The following VAV3 variants were observed in gnomAD, a reference collection of about 807,000 sequenced individuals.
The protein encoded by VAV3 is guanine nucleotide exchange factor VAV3.
VAV3 carries 94 observed loss-of-function variants against 131.2 expected under a neutral mutation model. The observed-to-expected ratio is 0.72, with a 90% CI of 0.61 to 0.85. VAV3 has a LOEUF of 0.85. Among genes scored for constraint, VAV3 ranks in the 40% least tolerant of loss-of-function variants. The pLI, the probability that VAV3 is intolerant of heterozygous loss-of-function variation, is 0.00. For synonymous variants in VAV3, 349 were observed against 342.0 expected (o/e 1.02, Z -0.22); for missense variants, 939 against 1,002.7 (o/e 0.94, Z 0.86).
rs566925774 is a variant in VAV3, at chr1:107,594,608, C to A, written c.2350+1604G>T. 3.3e-5 allele frequency among the ~76,000 whole-genome samples: 5 copies of A among 152,084 alleles called. No homozygotes were observed. In the South Asian group the frequency reaches 1.0e-3, roughly 32 times the overall value. On this transcript the variant is annotated intron_variant, in intron 25 of 26. Coordinates refer to ENST00000370056, the MANE Select transcript of VAV3 (RefSeq NM_006113.5). ...CTATGCTTTTTTTTAAGAAAAAGTCCTGTAATTCCCTTCTTAGTTGTCAAA... is the reference window on the plus strand; with the variant it reads ...CTATGCTTTTTTTTAAGAAAAAGTCATGTAATTCCCTTCTTAGTTGTCAAA...
intron 1 of VAV3, among the ~76,000 whole-genome samples, chr1:107,951,944 A>G (rs1674556362): frequency 6.6e-6 from 1 of 152,170 alleles, no homozygotes; most frequent in Admixed American, 6.5e-5. Flanking sequence ...CAGAAATACC[A>G]TTTGACCCAG....
chr1:107,628,738 T>C (rs1654225866), intron 20 of VAV3, among the ~76,000 whole-genome samples: 1 of 152,194 alleles, frequency 6.6e-6, no homozygotes, highest in Admixed American at 6.5e-5. Context: ...AATGGTCTAA[T>C]ATATAGAACT....
At chr1:107,627,774 T>C (rs1273222279) in intron 20 of VAV3, among the ~76,000 whole-genome samples, 1 of 152,144 alleles carries the variant, frequency 6.6e-6, no homozygotes, top group Non-Finnish European at 1.5e-5. Flanking sequence ...CATTTAAATC[T>C]GACAGATGAA....
At chr1:107,869,170 G>GATATATATATATATAT (rs1235542425) in intron 2 of VAV3, among the ~76,000 whole-genome samples, 1 of 152,116 alleles carries the variant, frequency 6.6e-6, no homozygotes, top group East Asian at 1.9e-4. Flanking sequence ...AAAGGCATGG[G>GATATATATATATATAT]ATATAATTGA....
chr1:107,594,324 T>G (rs533775922), intron 25 of VAV3, among the ~76,000 whole-genome samples: 74 of 152,208 alleles, frequency 4.9e-4, no homozygotes, highest in African/African-American at 1.8e-3. Flanking sequence ...GAACAGTGCC[T>G]TGTATGTGTT....
At position 107,658,287 on chromosome 1, in the gene VAV3, C is replaced by G. The variant is rs143296443; in HGVS notation, c.1778-15532G>C. On this transcript the variant is annotated intron_variant, in intron 19 of 26. Coordinates refer to ENST00000370056, the MANE Select transcript of VAV3 (RefSeq NM_006113.5). ...TACAAAGGACATGAACTCATCATTCCTTATGGCTGCATAGTATTCCACGGT... is the reference window on the plus strand; with the variant it reads ...TACAAAGGACATGAACTCATCATTCGTTATGGCTGCATAGTATTCCACGGT... Among the ~76,000 whole-genome samples the G allele has an allele frequency of 2.4e-3, 363 of 152,234 alleles. 2 individuals carry two copies. Among genetic ancestry groups the G allele is most frequent in the African/African-American group, 8.0e-3 (332 of 41,558 alleles).
At chr1:107,837,403 G>C (rs1315352993) in intron 2 of VAV3, among the ~76,000 whole-genome samples, 6 of 151,928 alleles carry the variant, frequency 3.9e-5, no homozygotes. Context: ...AATAGACTAG[G>C]CATTGAAGGA....
At chr1:107,887,592 C>T (rs149297621) in intron 1 of VAV3, among the ~76,000 whole-genome samples, 92 of 152,308 alleles carry the variant, frequency 6.0e-4, no homozygotes, top group African/African-American at 2.0e-3. Context: ...TTACATCCCT[C>T]ATATTGCCTT....
intron 25 of VAV3, among the ~76,000 whole-genome samples, chr1:107,584,099 A>G (rs1373010637): frequency 6.6e-6 from 1 of 152,128 alleles, no homozygotes; most frequent in Non-Finnish European, 1.5e-5. Context: ...CAGAAATAAC[A>G]CCGCATATCT....
chr1:107,905,581 G>T (rs1004975421), intron 1 of VAV3, among the ~76,000 whole-genome samples: 1 of 151,948 alleles, frequency 6.6e-6, no homozygotes, highest in Non-Finnish European at 1.5e-5. Context: ...TTACATTGCT[G>T]CCCAGATTGC....
At chr1:107,925,657 T>C (rs2101176006) in intron 1 of VAV3, among the ~76,000 whole-genome samples, 1 of 152,202 alleles carries the variant, frequency 6.6e-6, no homozygotes, top group South Asian at 2.1e-4. Flanking sequence ...AGTAGAATGG[T>C]GGCTGTCAAT....
intron 2 of VAV3, among the ~76,000 whole-genome samples, chr1:107,828,774 T>C (rs916048859): frequency 1.3e-5 from 2 of 152,196 alleles, no homozygotes; most frequent in Non-Finnish European, 2.9e-5. Context: ...TCAAGGTCCT[T>C]GTCTTTATCA....
intron 21 of VAV3, 58 bp downstream of exon 21, chr1:107,617,509 T>C: frequency 6.6e-7 from 1 of 1,507,554 alleles, no homozygotes; most frequent in Non-Finnish European, 9.1e-7. Flanking sequence ...TTTTGCACAA[T>C]TAATCACAGG....
intron 6 of VAV3, among the ~76,000 whole-genome samples, chr1:107,770,084 C>T (rs374514476): frequency 1.3e-5 from 2 of 152,152 alleles, no homozygotes; most frequent in Admixed American, 6.5e-5. Flanking sequence ...CAGTCCCCTT[C>T]CCTCATTCTG....
chr1:107,737,575 A>C (rs1164789558), intron 15 of VAV3, among the ~76,000 whole-genome samples: 2 of 152,236 alleles, frequency 1.3e-5, no homozygotes, highest in African/African-American at 4.8e-5. Context: ...AAAAGAAGAC[A>C]TTTATGCAGC....
intron 2 of VAV3, among the ~76,000 whole-genome samples, chr1:107,851,668 G>A (rs1320590744): frequency 6.6e-6 from 1 of 152,072 alleles, no homozygotes; most frequent in African/African-American, 2.4e-5. Flanking sequence ...AACAGGCTCT[G>A]AAAAATAATT....
At chr1:107,786,805 T>C (rs1309961498) in intron 2 of VAV3, among the ~76,000 whole-genome samples, 2 of 152,206 alleles carry the variant, frequency 1.3e-5, no homozygotes, top group South Asian at 2.1e-4. Flanking sequence ...TGTTTGTTCA[T>C]AGCAATTTCC....
intron 2 of VAV3, among the ~76,000 whole-genome samples, chr1:107,845,674 T>C (rs111706551): frequency 5.9e-5 from 9 of 151,892 alleles, no homozygotes; most frequent in African/African-American, 1.9e-4. Flanking sequence ...AACAGCCAAA[T>C]AGATCAAACA....
chr1:107,590,022 T>C (rs1650813760), intron 25 of VAV3, among the ~76,000 whole-genome samples: 1 of 152,132 alleles, frequency 6.6e-6, no homozygotes, highest in Non-Finnish European at 1.5e-5. Flanking sequence ...GATAAGCATG[T>C]TGTTGGATGG....
Sources: gnomAD v4.1 joint callset for allele counts (sites outside exome capture counted in the v4.1 genomes callset) on GRCh38, gnomAD v4.1.1 for gene constraint, MANE v1.5 for transcripts, NCBI Gene and HGNC (gene_info 2026-07-23, HGNC 2026-07-21) for gene names.